The following PLD5 variants were observed in gnomAD, a reference collection of about 807,000 sequenced individuals.
PLD5 encodes the protein inactive phospholipase D5.
PLD5 carries 36 observed loss-of-function variants against 61.1 expected under a neutral mutation model. That is an observed-to-expected ratio of 0.59 (90% CI 0.45 to 0.78). The LOEUF is 0.78. Ranked by LOEUF, PLD5 falls within the 30% of genes least tolerant of loss-of-function variation. The pLI, the probability that PLD5 is intolerant of heterozygous loss-of-function variation, is 0.00. For synonymous variants in PLD5, 243 were observed against 242.8 expected (o/e 1.00, Z -0.01); for missense variants, 515 against 644.4 (o/e 0.80, Z 2.17).
In PLD5 at chr1:242,158,202, C is replaced by A. The variant is rs1224567803; in HGVS notation, c.736-33537G>T. Among the ~76,000 whole-genome samples, 4 of 152,300 alleles carry A rather than the reference C, an allele frequency of 2.6e-5. No homozygotes were observed. In the South Asian group the frequency reaches 8.3e-4, roughly 32 times the overall value. On this transcript the variant is annotated intron_variant, in intron 5 of 9. Transcript: ENST00000536534. ...AGGTGGATCTGAGCCTCCTGGTATG[C>A]TGGCAGTGAGAATTTCAAGGCATTA...
chr1:242,205,133 A>G (rs1574509804), intron 5 of PLD5, among the ~76,000 whole-genome samples: 1 of 152,218 alleles, frequency 6.6e-6, no homozygotes, highest in Non-Finnish European at 1.5e-5. Context: ...GCCATTTAGA[A>G]CATATTCAGG....
intron 1 of PLD5, among the ~76,000 whole-genome samples, chr1:242,371,210 C>T (rs933298528): frequency 2.0e-5 from 3 of 152,128 alleles, no homozygotes; most frequent in African/African-American, 7.2e-5. Flanking sequence ...AGAAGGAACA[C>T]ACACACGCAC....
chr1:242,287,605 G>C (rs1675102456), intron 3 of PLD5, among the ~76,000 whole-genome samples: 1 of 151,978 alleles, frequency 6.6e-6, no homozygotes, highest in African/African-American at 2.4e-5. Context: ...TGCATAAAAG[G>C]AGACAAAACT....
chr1:242,411,498 A>G (rs893071652), intron 1 of PLD5, among the ~76,000 whole-genome samples: 4 of 151,998 alleles, frequency 2.6e-5, no homozygotes, highest in African/African-American at 9.7e-5. Context: ...GCCTCCCAAA[A>G]TGCTGGGATT....
At chr1:242,407,774 T>G (rs1232396019) in intron 1 of PLD5, among the ~76,000 whole-genome samples, 1 of 152,086 alleles carries the variant, frequency 6.6e-6, no homozygotes, top group Non-Finnish European at 1.5e-5. Flanking sequence ...AGATGGAGTT[T>G]CACCATGGTG....
Position 242,157,786 on chromosome 1 carries a change from T to C in PLD5, c.736-33121A>G, listed in dbSNP as rs375117953. On this transcript the variant is annotated intron_variant, in intron 5 of 9. Coordinates refer to ENST00000536534, the MANE Select transcript of PLD5 (RefSeq NM_001372062.1). ...GGAGGTGTCTCCCAGTCAGGATACA[T>C]GGCGGTCAGGGACCTACTTGAGGAG... Among the ~76,000 whole-genome samples, 5 of 152,328 alleles carry C rather than the reference T, an allele frequency of 3.3e-5. No homozygotes were observed. The East Asian group carries it at 7.7e-4, about 24-fold the overall frequency.
At chr1:242,480,943 A>G (rs938430963) in intron 1 of PLD5, among the ~76,000 whole-genome samples, 9 of 152,214 alleles carry the variant, frequency 5.9e-5, no homozygotes, top group Admixed American at 1.3e-4. Flanking sequence ...ATAGTCTGGT[A>G]GGGTTTTTTT....
Position 242,503,841 on chromosome 1 carries a change from A to C in PLD5, c.189+20247T>G, listed in dbSNP as rs376268564. Among the ~76,000 whole-genome samples, 6 of 152,316 alleles carry C rather than the reference A, an allele frequency of 3.9e-5. No homozygotes were observed. The East Asian group carries it at 1.2e-3, about 29-fold the overall frequency. On this transcript the variant is annotated intron_variant, in intron 1 of 9. Coordinates refer to ENST00000536534, the MANE Select transcript of PLD5 (RefSeq NM_001372062.1). ...TTGATGGCATTTTAACACCTGAAAC[A>C]GACTCTAGAGCCTGCTGATGCGGAG...
chr1:242,358,970 G>C (rs114990973), intron 1 of PLD5, among the ~76,000 whole-genome samples: 274 of 152,244 alleles, frequency 1.8e-3, no homozygotes, highest in African/African-American at 6.3e-3. Context: ...CAGGGGTAGG[G>C]TCAAAAGCTA....
At chr1:242,093,880 C>CT (rs536194348) in intron 9 of PLD5, among the ~76,000 whole-genome samples, 20 of 151,202 alleles carry the variant, frequency 1.3e-4, no homozygotes, top group Admixed American at 2.6e-4. Flanking sequence ...TGAAATATAG[C>CT]TTTTTTTTTC....
intron 5 of PLD5, among the ~76,000 whole-genome samples, chr1:242,208,443 T>A (rs532283149): frequency 1.5e-4 from 23 of 152,122 alleles, no homozygotes; most frequent in Non-Finnish European, 3.2e-4. Flanking sequence ...ATTAAACCCA[T>A]AGGGTCTCTG....
chr1:242,160,203 A>G (rs1665716716), intron 5 of PLD5, among the ~76,000 whole-genome samples: 1 of 151,994 alleles, frequency 6.6e-6, no homozygotes, highest in African/African-American at 2.4e-5. Flanking sequence ...TTTTCTTTTT[A>G]GAGAGAGGGG....
intron 3 of PLD5, among the ~76,000 whole-genome samples, chr1:242,284,891 C>G (rs1404351962): frequency 1.3e-5 from 2 of 152,134 alleles, no homozygotes; most frequent in African/African-American, 4.8e-5. Context: ...TTTGCAAAGG[C>G]AGATCTCCCC....
chr1:242,249,499 A>G (rs181826890), intron 4 of PLD5, among the ~76,000 whole-genome samples: 57 of 152,374 alleles, frequency 3.7e-4, no homozygotes, highest in African/African-American at 1.2e-3. Flanking sequence ...ATCATCTTTC[A>G]AAGAAAGTTA....
At chr1:242,187,056 C>G (rs1355746275) in intron 5 of PLD5, among the ~76,000 whole-genome samples, 1 of 152,212 alleles carries the variant, frequency 6.6e-6, no homozygotes, top group African/African-American at 2.4e-5. Flanking sequence ...GGCATATCCA[C>G]TATGGCAAAC....
rs992941903 is a variant in PLD5 at position 242,135,771 on chromosome 1, C to T, written c.736-11106G>A. On this transcript the variant is annotated intron_variant, in intron 5 of 9. Transcript: ENST00000536534. The stretch of plus-strand genomic sequence containing the variant: ...CCATCATGACTTTGAGATCCACCCT[C>T]TCACTCTCCCAGGGTTTCTACTTTG... Among the ~76,000 whole-genome samples the T allele has an allele frequency of 2.6e-5, 4 of 152,266 alleles. No individual in the cohort carries two copies. In the South Asian group the frequency reaches 8.3e-4, roughly 32 times the overall value.
intron 2 of PLD5, among the ~76,000 whole-genome samples, chr1:242,328,803 C>T (rs1181967585): frequency 1.3e-5 from 2 of 152,172 alleles, no homozygotes; most frequent in Non-Finnish European, 2.9e-5. Flanking sequence ...TGCCACCCAA[C>T]CAGCTACCAT....
chr1:242,335,512 G>A (rs1306336993), intron 2 of PLD5, among the ~76,000 whole-genome samples: 1 of 152,146 alleles, frequency 6.6e-6, no homozygotes, highest in Non-Finnish European at 1.5e-5. Flanking sequence ...GTCAAAATAC[G>A]ATAGTTGACT....
intron 3 of PLD5, among the ~76,000 whole-genome samples, chr1:242,282,773 C>A (rs1474673188): frequency 1.3e-5 from 2 of 152,074 alleles, no homozygotes; most frequent in Non-Finnish European, 2.9e-5. Context: ...AAATTCCCAT[C>A]ATTTTGTCTC....
Sources: allele counts gnomAD v4.1 joint callset (sites outside exome capture counted in the v4.1 genomes callset), GRCh38; gene constraint gnomAD v4.1.1; transcripts MANE v1.5; gene names NCBI Gene and HGNC (gene_info 2026-07-23, HGNC 2026-07-21).